SATB2: variants seen among roughly 807,000 people sequenced by gnomAD.
SATB2 encodes DNA-binding protein SATB2.
Under a neutral mutation model 73.4 loss-of-function variants are expected in SATB2, and 1 was observed. The observed-to-expected ratio is 0.01, with a 90% CI of 0.00 to 0.06. The LOEUF is 0.06. Ranked by LOEUF, SATB2 falls within the 10% of genes least tolerant of loss-of-function variation. SATB2 has a pLI of 1.00. For missense variants in SATB2, 459 were observed against 945.8 expected (o/e 0.49, Z 6.75); for synonymous variants, 397 against 367.0 (o/e 1.08, Z -0.93).
chr2:199,294,854 G>A (rs1692979936), intron 10 of SATB2, among the ~76,000 whole-genome samples: 1 of 152,136 alleles, frequency 6.6e-6, no homozygotes, highest in Non-Finnish European at 1.5e-5. Flanking sequence ...TCATCTTTAA[G>A]AGTTCACATC....
At chr2:199,300,818 T>C (rs1465585770) in intron 10 of SATB2, among the ~76,000 whole-genome samples, 1 of 152,130 alleles carries the variant, frequency 6.6e-6, no homozygotes, top group Non-Finnish European at 1.5e-5. Context: ...CAGGGTTCTC[T>C]ATGTTCCCAG....
chr2:199,339,607 C>T (rs1688446051), intron 7 of SATB2, among the ~76,000 whole-genome samples: 1 of 152,124 alleles, frequency 6.6e-6, no homozygotes, highest in East Asian at 1.9e-4. Flanking sequence ...ACCATGGAGT[C>T]AAGATCCCTG....
At chr2:199,361,356 C>G (rs1385243039) in intron 6 of SATB2, among the ~76,000 whole-genome samples, 2 of 151,964 alleles carry the variant, frequency 1.3e-5, no homozygotes, top group Non-Finnish European at 2.9e-5. Flanking sequence ...TCATGGCTCT[C>G]CTCTGCTTGA....
chr2:199,390,434 G>A (rs1217611608), intron 3 of SATB2, among the ~76,000 whole-genome samples: 1 of 152,166 alleles, frequency 6.6e-6, no homozygotes, highest in Non-Finnish European at 1.5e-5. Flanking sequence ...TTCTAAAAGA[G>A]TTTTAAATTA....
At chr2:199,389,113 T>C (rs1690046386) in intron 3 of SATB2, among the ~76,000 whole-genome samples, 1 of 152,124 alleles carries the variant, frequency 6.6e-6, no homozygotes, top group East Asian at 1.9e-4. Flanking sequence ...CATCAAATTG[T>C]AGCAGCAAAA....
chr2:199,379,491 T>C (rs1434618162), intron 5 of SATB2, among the ~76,000 whole-genome samples: 3 of 152,036 alleles, frequency 2.0e-5, no homozygotes, highest in Admixed American at 2.0e-4. Context: ...GCATCCACTT[T>C]GAAACAGGGG....
chr2:199,438,015 A>T (rs965754144), intron 2 of SATB2, among the ~76,000 whole-genome samples: 4 of 152,178 alleles, frequency 2.6e-5, no homozygotes, highest in Admixed American at 2.6e-4. Context: ...CTCTAACTTC[A>T]TGTAGCAATT....
At chr2:199,352,525 T>C (rs1342124144) in intron 6 of SATB2, among the ~76,000 whole-genome samples, 1 of 152,194 alleles carries the variant, frequency 6.6e-6, no homozygotes, top group East Asian at 1.9e-4. Flanking sequence ...TAAATTCTTG[T>C]AGTTAAGAAG....
rs1692144876 is a variant in SATB2, at chr2:199,271,205, A to ATGTGGC, written c.*1000_*1005dup. 1 of 152,786 alleles carries ATGTGGC rather than the reference A, an allele frequency of 6.5e-6. No individual in the cohort carries two copies. The highest frequency in any genetic ancestry group is 1.5e-5 in the Non-Finnish European group (1 of 68,028). 9.5% of individuals were successfully genotyped at this position (152,786 alleles called of 1,614,324 possible). On this transcript the variant is annotated 3_prime_UTR_variant, in exon 11 of 11. Coordinates refer to ENST00000417098, the MANE Select transcript of SATB2 (RefSeq NM_001172509.2). The stretch of plus-strand genomic sequence containing the variant: ...GCAGGTAAATAAATTTCACAACAAA[A>ATGTGGC]TGTGGCTCATACTATGAATTCCATA...
At chr2:199,386,511 G>C (rs951163948) in intron 3 of SATB2, among the ~76,000 whole-genome samples, 1 of 152,142 alleles carries the variant, frequency 6.6e-6, no homozygotes, top group Non-Finnish European at 1.5e-5. Context: ...AAAGAAGCAA[G>C]AACAAGTTAT....
chr2:199,365,731 ATTGT>A (rs1344561970), intron 6 of SATB2, among the ~76,000 whole-genome samples: 2 of 152,058 alleles, frequency 1.3e-5, no homozygotes, highest in East Asian at 3.8e-4. Flanking sequence ...CAAATTATTG[ATTGT>A]TCATTTTTCT....
At chr2:199,307,318 G>A (rs967972015) in intron 10 of SATB2, among the ~76,000 whole-genome samples, 3 of 151,948 alleles carry the variant, frequency 2.0e-5, no homozygotes, top group African/African-American at 7.3e-5. Flanking sequence ...GCCTACATTG[G>A]GCCCCTCTTT....
Position 199,464,231 on chromosome 2 carries a change from C to T in SATB2, c.-141+605G>A, listed in dbSNP as rs942236460. On this transcript the variant is annotated intron_variant, in intron 1 of 11. Transcript: ENST00000260926. The surrounding 1 kb of genome is among the most constrained non-coding windows in gnomAD (Gnocchi z 6.6). ...ACGGCGGCGACTCGGGCTCAGTTCT[C>T]CCCCACCCCGTGGTGCCTTCCCTCC... Among the ~76,000 whole-genome samples the T allele has an allele frequency of 6.6e-6, 1 of 152,162 alleles. No homozygotes were observed. The highest frequency in any genetic ancestry group is 1.5e-5 in the Non-Finnish European group (1 of 68,008).
chr2:199,328,584 A>G, intron 8 of SATB2, 114 bp downstream of exon 8: 1 of 722,170 alleles, frequency 1.4e-6, no homozygotes, highest in Non-Finnish European at 2.3e-6. Flanking sequence ...AAAGAAAAAA[A>G]GGAAAGAAAT....
chr2:199,467,140 G>A (rs112918645), upstream of SATB2, among the ~76,000 whole-genome samples: 1,377 of 152,364 alleles, frequency 9.0e-3, 25 homozygotes, highest in African/African-American at 0.031. Flanking sequence ...GAGACCTCAA[G>A]TCAGGTCTCC....
intron 3 of SATB2, among the ~76,000 whole-genome samples, chr2:199,382,209 T>C (rs1188599660): frequency 3.3e-5 from 5 of 152,164 alleles, no homozygotes; most frequent in African/African-American, 1.2e-4. Flanking sequence ...TAAGATTCAG[T>C]TTTGAATTGT....
At chr2:199,380,959 T>C (rs898760526) in intron 4 of SATB2, among the ~76,000 whole-genome samples, 1 of 152,124 alleles carries the variant, frequency 6.6e-6, no homozygotes, top group African/African-American at 2.4e-5. Context: ...CACCCATTCA[T>C]AGACACAGAT....
At chr2:199,346,826 C>G (rs1688663976) in intron 7 of SATB2, 1 of 149,028 alleles carries the variant, frequency 6.7e-6, no homozygotes, top group Non-Finnish European at 1.5e-5. Context: ...CAACATTTAT[C>G]AGATTTCTCC....
chr2:199,458,331 G>A (rs985001547), upstream of SATB2: 9 of 248,012 alleles, frequency 3.6e-5, no homozygotes, highest in African/African-American at 1.2e-4. Context: ...GAGGCAGAGG[G>A]ACAGGCGAGG....
Sources: allele counts gnomAD v4.1 joint callset (sites outside exome capture counted in the v4.1 genomes callset), GRCh38; gene constraint gnomAD v4.1.1; non-coding constraint Gnocchi (gnomAD v3.1); transcripts MANE v1.5; gene names NCBI Gene and HGNC (gene_info 2026-07-23, HGNC 2026-07-21).